The following EMCN variants were observed in gnomAD, a reference collection of about 807,000 sequenced individuals.
EMCN encodes the protein MUC-14.
EMCN carries 37 observed loss-of-function variants against 38.4 expected under a neutral mutation model. The ratio of observed to expected loss-of-function variants is 0.96; its 90% CI spans 0.74 to 1.27. The LOEUF (loss-of-function observed/expected upper bound fraction) is 1.27. Ranked by LOEUF, EMCN falls within the 50% of genes most tolerant of loss-of-function variation. The pLI is 0.00. For missense variants in EMCN, 318 were observed against 302.8 expected, an observed-to-expected ratio of 1.05 and a Z score of -0.37; for synonymous variants, 95 against 100.8, an observed-to-expected ratio of 0.94 and a Z score of 0.35.
At position 100,421,306 on chromosome 4, in the gene EMCN, G is replaced by T. The variant is rs746482716; in HGVS notation, c.640C>A (p.Arg214=). Residue 214 remains arginine (R), a synonymous_variant, in exon 8 of 12, where the codon CGA becomes AGA. Coordinates refer to ENST00000296420, the MANE Select transcript of EMCN (RefSeq NM_016242.4). ...CCCGGATCTGCCTTCCAGCACATTC[G>T]GTACAAACCCACCAGAACAAATACT... ...LSVFVLVGLY[R]MCWKADPGTP... 3 of 1,612,486 alleles carry T rather than the reference G, an allele frequency of 1.9e-6. No individual in the cohort carries two copies. Among genetic ancestry groups the T allele is most frequent in the Non-Finnish European group, 2.5e-6 (3 of 1,179,070 alleles).
chr4:100,483,521 A>C (rs1335700958), intron 1 of EMCN: 3 of 152,148 alleles, frequency 2.0e-5, no homozygotes, highest in Admixed American at 6.6e-5. Flanking sequence ...CAAACATTTC[A>C]AGTGCCACAT....
At chr4:100,420,015 G>A (rs1048971852) in intron 8 of EMCN, among the ~76,000 whole-genome samples, 1 of 152,006 alleles carries the variant, frequency 6.6e-6, no homozygotes, top group Non-Finnish European at 1.5e-5. Flanking sequence ...AAAAATAATT[G>A]CTTTTTACCT....
At chr4:100,504,329 G>C (rs1426593993) in intron 1 of EMCN, among the ~76,000 whole-genome samples, 1 of 152,196 alleles carries the variant, frequency 6.6e-6, no homozygotes, top group Non-Finnish European at 1.5e-5. Flanking sequence ...CGGGAGAGTT[G>C]TTAACCATGT....
chr4:100,423,448 C>A (rs1288303670), intron 5 of EMCN, 44 bp from the exon 6 acceptor site: 1 of 1,351,978 alleles, frequency 7.4e-7, no homozygotes, highest in Admixed American at 1.7e-5. Context: ...TGGTATTAAG[C>A]CTTCATATGG....
At chr4:100,501,616 C>T (rs1256384278) in intron 1 of EMCN, among the ~76,000 whole-genome samples, 3 of 151,916 alleles carry the variant, frequency 2.0e-5, no homozygotes, top group Non-Finnish European at 4.4e-5. Flanking sequence ...ACTGGATTGC[C>T]CAGTCAATCC....
At chr4:100,495,889 A>T (rs1400726650) in intron 1 of EMCN, among the ~76,000 whole-genome samples, 1 of 152,138 alleles carries the variant, frequency 6.6e-6, no homozygotes, top group African/African-American at 2.4e-5. Flanking sequence ...TCATCAAAAT[A>T]TTAGGATTAT....
chr4:100,402,434 C>T (rs1187020732), intron 11 of EMCN, among the ~76,000 whole-genome samples: 2 of 152,106 alleles, frequency 1.3e-5, no homozygotes, highest in Admixed American at 6.6e-5. Flanking sequence ...TCTATATATT[C>T]TGAATCTCCA....
intron 11 of EMCN, among the ~76,000 whole-genome samples, chr4:100,400,764 A>C (rs1204228121): frequency 6.6e-6 from 1 of 152,190 alleles, no homozygotes. Context: ...AAGATCAGCA[A>C]CCTAAATAAG....
intron 1 of EMCN, among the ~76,000 whole-genome samples, chr4:100,502,755 A>T (rs761620318): frequency 2.0e-4 from 31 of 152,106 alleles, no homozygotes; most frequent in Non-Finnish European, 3.5e-4. Context: ...AAATCCTCTT[A>T]TTGTTTTAGT....
intron 3 of EMCN, among the ~76,000 whole-genome samples, chr4:100,469,114 C>T (rs1409193113): frequency 3.3e-5 from 5 of 151,980 alleles, no homozygotes; most frequent in Non-Finnish European, 7.4e-5. Context: ...AACAAGGGCA[C>T]CAAGAGGTTA....
chr4:100,453,341 C>A (rs951201922), intron 4 of EMCN, among the ~76,000 whole-genome samples: 3 of 151,916 alleles, frequency 2.0e-5, no homozygotes, highest in Non-Finnish European at 4.4e-5. Context: ...AACAAACAAC[C>A]CCATCAAAAA....
chr4:100,424,540 A>G (rs2110220891), intron 5 of EMCN, among the ~76,000 whole-genome samples: 1 of 152,232 alleles, frequency 6.6e-6, no homozygotes, highest in South Asian at 2.1e-4. Context: ...CCCACATCCC[A>G]GCACGCACTG....
At chr4:100,458,963 T>C (rs1728092974) in intron 4 of EMCN, among the ~76,000 whole-genome samples, 1 of 152,162 alleles carries the variant, frequency 6.6e-6, no homozygotes, top group Non-Finnish European at 1.5e-5. Context: ...GGAGAGAGGT[T>C]CTTTGCCCTG....
chr4:100,425,333 A>G (rs1380884285), intron 5 of EMCN, among the ~76,000 whole-genome samples: 2 of 96,404 alleles, frequency 2.1e-5, no homozygotes, highest in African/African-American at 1.1e-4. Context: ...AAGATGCGGA[A>G]TCCATGACAT....
chr4:100,494,195 G>A (rs1247666304), intron 1 of EMCN, among the ~76,000 whole-genome samples: 1 of 152,106 alleles, frequency 6.6e-6, no homozygotes, highest in Non-Finnish European at 1.5e-5. Flanking sequence ...ATATGGTATA[G>A]TTTCCAAATT....
rs537845752 is a variant in EMCN, at chr4:100,512,440, A to G, written c.64+5411T>C. 2.6e-5 allele frequency among the ~76,000 whole-genome samples: 4 copies of G among 152,302 alleles called. No homozygotes were observed. The South Asian group carries it at 8.3e-4, about 32-fold the overall frequency. On this transcript the variant is annotated intron_variant, in intron 1 of 11. Coordinates refer to ENST00000296420, the MANE Select transcript of EMCN (RefSeq NM_016242.4). Reference sequence around the variant, plus strand: ...TCAAAAGGTACTGTTAGCCTAAGCTAACAGACCTATAATGGATAGGAATTC... The same window carrying G: ...TCAAAAGGTACTGTTAGCCTAAGCTGACAGACCTATAATGGATAGGAATTC...
At chr4:100,411,396 T>A (rs1726548805) in intron 10 of EMCN, among the ~76,000 whole-genome samples, 1 of 152,164 alleles carries the variant, frequency 6.6e-6, no homozygotes, top group Non-Finnish European at 1.5e-5. Flanking sequence ...AAATATTGAG[T>A]CATCCCCTAG....
At chr4:100,417,661 A>C (rs1325508132) in intron 8 of EMCN, among the ~76,000 whole-genome samples, 2 of 152,178 alleles carry the variant, frequency 1.3e-5, no homozygotes, top group African/African-American at 4.8e-5. Context: ...AGCCCTGCAA[A>C]ATGTCGCAGA....
At chr4:100,473,662 A>G (rs938091243) in intron 3 of EMCN, among the ~76,000 whole-genome samples, 1 of 152,104 alleles carries the variant, frequency 6.6e-6, no homozygotes. Context: ...CACAATGACC[A>G]TTTGAGAGCA....
Sources: allele counts gnomAD v4.1 joint callset (sites outside exome capture counted in the v4.1 genomes callset), GRCh38; gene constraint gnomAD v4.1.1; transcripts MANE v1.5; gene names NCBI Gene and HGNC (gene_info 2026-07-23, HGNC 2026-07-21).